LPP: variants seen among roughly 807,000 people sequenced by gnomAD.
LPP encodes lipoma-preferred partner.
LPP carries 38 observed loss-of-function variants against 60.4 expected under a neutral mutation model. That is an observed-to-expected ratio of 0.63 (90% CI 0.49 to 0.83). The LOEUF (loss-of-function observed/expected upper bound fraction) is 0.83, where lower values mean the gene tolerates loss of function less well. LPP is among the 40% of genes least tolerant of loss of function. The probability of loss-of-function intolerance (pLI) is 0.00; values close to 1 mark genes in which losing one functional copy is unlikely to be tolerated. For missense variants in LPP, 902 were observed against 783.6 expected, an observed-to-expected ratio of 1.15 and a Z score of -1.80; for synonymous variants, 328 against 290.8, an observed-to-expected ratio of 1.13 and a Z score of -1.30.
At chr3:188,639,126 C>T (rs1849495892) in intron 7 of LPP, among the ~76,000 whole-genome samples, 1 of 152,114 alleles carries the variant, frequency 6.6e-6, no homozygotes, top group Non-Finnish European at 1.5e-5. Context: ...TACTACAAGG[C>T]TACGGTAACC....
intron 7 of LPP, among the ~76,000 whole-genome samples, chr3:188,650,891 A>G (rs1341978758): frequency 2.0e-5 from 3 of 152,146 alleles, no homozygotes. Context: ...ATTTCTGTCT[A>G]CTTGGTGGCA....
intron 2 of LPP, among the ~76,000 whole-genome samples, chr3:188,298,617 C>G (rs566076494): frequency 6.6e-6 from 1 of 152,228 alleles, no homozygotes; most frequent in South Asian, 2.1e-4. Context: ...TTACTTATGG[C>G]CTGCAGTGCA....
intron 2 of LPP, among the ~76,000 whole-genome samples, chr3:188,240,672 A>G (rs562607867): frequency 6.6e-6 from 1 of 151,662 alleles, no homozygotes; most frequent in African/African-American, 2.4e-5. Context: ...AATCATGTCA[A>G]CTAGTAAGGC....
intron 4 of LPP, among the ~76,000 whole-genome samples, chr3:188,483,598 A>C (rs934872455): frequency 2.6e-5 from 4 of 152,206 alleles, no homozygotes; most frequent in Non-Finnish European, 5.9e-5. Context: ...AAAAGGTTTC[A>C]TTCCAGGAAC....
intron 9 of LPP, among the ~76,000 whole-genome samples, chr3:188,804,834 A>T (rs1748589764): frequency 6.6e-6 from 1 of 152,066 alleles, no homozygotes; most frequent in Non-Finnish European, 1.5e-5. Flanking sequence ...AAGTAAGGTT[A>T]TTGAACATGC....
At chr3:188,558,572 T>A (rs116637018) in intron 6 of LPP, among the ~76,000 whole-genome samples, 1 of 152,238 alleles carries the variant, frequency 6.6e-6, no homozygotes, top group African/African-American at 2.4e-5. Context: ...GGATTCCCAC[T>A]GTGTCTAACC....
intron 9 of LPP, among the ~76,000 whole-genome samples, chr3:188,828,614 CA>C (rs71169022): frequency 1.4e-3 from 45 of 31,340 alleles, no homozygotes; most frequent in South Asian, 5.0e-3. Context: ...AACTCTGTCT[CA>C]AAAAAAAAAA....
chr3:188,183,494 A>G (rs1228793789), intron 1 of LPP, among the ~76,000 whole-genome samples: 1 of 152,152 alleles, frequency 6.6e-6, no homozygotes, highest in Non-Finnish European at 1.5e-5. Context: ...CCCCCGGTCA[A>G]CTTCTTGCTT....
intron 6 of LPP, among the ~76,000 whole-genome samples, chr3:188,551,808 A>G (rs945546434): frequency 1.3e-5 from 2 of 152,138 alleles, no homozygotes; most frequent in Non-Finnish European, 2.9e-5. Flanking sequence ...TGTAGGTTGG[A>G]GTGATGCTTC....
intron 8 of LPP, among the ~76,000 whole-genome samples, chr3:188,715,672 T>C (rs920428119): frequency 6.6e-6 from 1 of 152,198 alleles, no homozygotes; most frequent in African/African-American, 2.4e-5. Flanking sequence ...CCAAGACTTT[T>C]CTGTGTTGGT....
intron 8 of LPP, among the ~76,000 whole-genome samples, chr3:188,733,785 T>A (rs1292651611): frequency 6.6e-6 from 1 of 152,156 alleles, no homozygotes; most frequent in Admixed American, 6.5e-5. Context: ...GTTGTTTTGT[T>A]TTGTTTTACT....
intron 2 of LPP, among the ~76,000 whole-genome samples, chr3:188,339,671 A>G (rs1560269436): frequency 6.6e-6 from 1 of 152,114 alleles, no homozygotes; most frequent in Non-Finnish European, 1.5e-5. Flanking sequence ...GCATGGGGGA[A>G]ATTGCCCCCA....
rs188334934 is a variant in LPP, at chr3:188,255,332, C to T, written c.-67+29805C>T. 7.9e-5 allele frequency among the ~76,000 whole-genome samples: 12 copies of T among 152,298 alleles called. No homozygotes were observed. The East Asian group carries it at 2.3e-3, about 29-fold the overall frequency. ...GGCTCAGAGACTTTGCATTAGTCTA[C>T]CAGGTCATAAAGCTAGTGTTCACAG... is the stretch of plus-strand genomic sequence containing the variant. On this transcript the variant is annotated intron_variant, in intron 2 of 11. Coordinates refer to ENST00000617246, the MANE Select transcript of LPP (RefSeq NM_001375462.1).
Position 188,785,491 on chromosome 3 carries a change from CATATATATATATTCCATCATATATAT to C in LPP, c.1410+25241_1410+25266del, listed in dbSNP as rs1195560126. On this transcript the variant is annotated intron_variant, in intron 9 of 11. Coordinates refer to ENST00000617246, the MANE Select transcript of LPP (RefSeq NM_001375462.1). ...TATTCCATCATATATATATATTCAT[CATATATATATATTCCATCATATATAT>C]ATATATATATATTCCATCATATATA... Among the ~76,000 whole-genome samples the C allele has an allele frequency of 1.1e-3, 22 of 20,254 alleles. 4 individuals are homozygous for C. The highest frequency in any genetic ancestry group is 3.5e-3 in the African/African-American group (18 of 5,188). 13.3% of individuals were successfully genotyped at this position (20,254 alleles called of 152,430 possible).
intron 1 of LPP, among the ~76,000 whole-genome samples, chr3:188,224,309 A>T (rs1468496361): frequency 6.6e-6 from 1 of 152,064 alleles, no homozygotes; most frequent in African/African-American, 2.4e-5. Flanking sequence ...CAATTGTATG[A>T]TTGGCTAGGT....
intron 8 of LPP, among the ~76,000 whole-genome samples, chr3:188,715,143 G>A (rs1713305536): frequency 6.6e-6 from 1 of 152,040 alleles, no homozygotes; most frequent in African/African-American, 2.4e-5. Flanking sequence ...ACTTTGGGAG[G>A]CTGAGGTGGG....
chr3:188,255,948 A>T (rs116488492), intron 2 of LPP, among the ~76,000 whole-genome samples: 34 of 152,210 alleles, frequency 2.2e-4, no homozygotes, highest in African/African-American at 7.2e-4. Context: ...ATACCGTATC[A>T]GCATAAAAAT....
At position 188,182,737 on chromosome 3, in the gene LPP, A is replaced by AATATATATACATATATTATATATGTGC. The variant is rs1725402991; in HGVS notation, c.-190+28501_-190+28502insTATATATGTGCATATATATACATATAT. ...ATATATATATATAACATATGCACAT[A>AATATATATACATATATTATATATGTGC]ATATATATACATATATGTACATATA... On this transcript the variant is annotated intron_variant, in intron 1 of 11. Transcript: ENST00000617246. The surrounding 1 kb of genome is among the most constrained non-coding windows in gnomAD (Gnocchi z 4.4). Among the ~76,000 whole-genome samples the AATATATATACATATATTATATATGTGC allele has an allele frequency of 1.4e-5, 1 of 71,678 alleles. No individual in the cohort carries two copies. The highest frequency in any genetic ancestry group is 3.3e-4 in the South Asian group (1 of 3,046). 47.0% of individuals were successfully genotyped at this position (71,678 alleles called of 152,430 possible).
intron 6 of LPP, among the ~76,000 whole-genome samples, chr3:188,561,249 C>G (rs745327978): frequency 1.2e-3 from 187 of 152,074 alleles, no homozygotes; most frequent in Non-Finnish European, 1.3e-3. Flanking sequence ...TTACCATTGC[C>G]ATTGGCTTCT....
Sources: allele counts gnomAD v4.1 joint callset (sites outside exome capture counted in the v4.1 genomes callset), GRCh38; gene constraint gnomAD v4.1.1; non-coding constraint Gnocchi (gnomAD v3.1); transcripts MANE v1.5; gene names NCBI Gene and HGNC (gene_info 2026-07-23, HGNC 2026-07-21).